TOM1: variants seen among roughly 807,000 people sequenced by gnomAD.
The protein encoded by TOM1 is target of myb1 membrane trafficking protein, also known as target of Myb protein 1.
A neutral mutation model predicts 61.3 loss-of-function variants in TOM1; 38 were observed. The observed-to-expected ratio is 0.62, with a 90% CI of 0.48 to 0.81. TOM1 has a LOEUF of 0.81. Ranked by LOEUF, TOM1 falls within the 40% of genes least tolerant of loss-of-function variation. The probability of loss-of-function intolerance (pLI) is 0.00; values close to 1 mark genes in which losing one functional copy is unlikely to be tolerated. For missense variants in TOM1, 591 were observed against 659.6 expected (o/e 0.90, Z 1.14); for synonymous variants, 270 against 268.8 (o/e 1.00, Z -0.04).
intron 12 of TOM1, 128 bp from the exon 13 acceptor site, chr22:35,345,596 TC>T (rs1930435978): frequency 1.2e-6 from 1 of 860,074 alleles, no homozygotes; most frequent in Non-Finnish European, 1.9e-6. Context: ...CAGTGGTGGG[TC>T]CGGGCAGCTA....
At chr22:35,324,141 G>T (rs1055290450) in intron 6 of TOM1, among the ~76,000 whole-genome samples, 1 of 152,236 alleles carries the variant, frequency 6.6e-6, no homozygotes, top group African/African-American at 2.4e-5. Context: ...GCTCACGTCT[G>T]TCTGACTCCT....
In TOM1 at chr22:35,339,903, CAAA is replaced by C. The variant is rs35896033; in HGVS notation, c.1224+1127_1224+1129del. 4.9e-4 allele frequency among the ~76,000 whole-genome samples: 68 copies of C among 138,506 alleles called. 1 individual carries two copies. The highest frequency in any genetic ancestry group is 1.7e-3 in the African/African-American group (61 of 35,682). The allele number at this position is 138,506 out of a possible 152,430, so 90.9% of individuals were successfully genotyped here. On this transcript the variant is annotated intron_variant, in intron 12 of 14. Transcript: ENST00000449058. ...TGGGCGACAGAGCGAGACTCCGTCT[CAAA>C]AAAAAAAAAAAGAGCGGACCCTAAA...
At chr22:35,345,113 C>G (rs1357164415) in intron 12 of TOM1, 1 of 154,360 alleles carries the variant, frequency 6.5e-6, no homozygotes, top group Non-Finnish European at 1.4e-5. Flanking sequence ...TCTTTGTGGC[C>G]GAAAGTGAAA....
chr22:35,321,689 G>A (rs1047630027), intron 2 of TOM1: 30 of 543,242 alleles, frequency 5.5e-5, no homozygotes, highest in East Asian at 1.8e-4. Context: ...ATGAGCCACC[G>A]CGCCCGGCCA....
chr22:35,334,817 C>T (rs1929155084), intron 11 of TOM1, among the ~76,000 whole-genome samples: 1 of 151,952 alleles, frequency 6.6e-6, no homozygotes, highest in South Asian at 2.1e-4. Context: ...GGTTCCAAAA[C>T]ACAGTGTCTC....
intron 6 of TOM1, 131 bp downstream of exon 6, chr22:35,324,045 T>TCACA: frequency 9.6e-6 from 11 of 1,142,716 alleles, no homozygotes; most frequent in Non-Finnish European, 1.3e-5. Flanking sequence ...AGGGTATGTG[T>TCACA]GGTTCTTCCT....
rs199548413 is a variant in TOM1, at chr22:35,321,944, T to C, written c.138-15T>C. The C allele has an allele frequency of 9.9e-6, 16 of 1,613,490 alleles. No individual in the cohort carries two copies. The East Asian group carries it at 3.1e-4, about 31-fold the overall frequency. ...GCTCTATTCCTAAGCCCACCCTTTT[T>C]CTTGTCCTCCTTAGTCCCAAAGATG... On this transcript the variant is annotated splice_polypyrimidine_tract_variant and intron_variant, in intron 2 of 14. Coordinates refer to ENST00000449058, the MANE Select transcript of TOM1 (RefSeq NM_005488.3).
At chr22:35,327,636 A>G (rs1928457835) in intron 7 of TOM1, among the ~76,000 whole-genome samples, 1 of 152,236 alleles carries the variant, frequency 6.6e-6, no homozygotes, top group African/African-American at 2.4e-5. Context: ...TGCTCTAACA[A>G]TAGCCTTCAT....
In TOM1 at chr22:35,333,477, C is replaced by T; in HGVS notation, c.1007C>T (p.Ser336Leu). The T allele has an allele frequency of 1.2e-6, 2 of 1,614,220 alleles. No homozygotes were observed. The highest frequency in any genetic ancestry group is 1.3e-5 in the African/African-American group (1 of 75,082). The change falls in exon 10 of 15, where the codon TCA (serine) becomes TTA (leucine). Residue 336 changes from serine (S) to leucine (L), a missense_variant. Physicochemically the swap from Ser to Leu is moderately radical, Grantham distance 145. Transcript: ENST00000449058. ...GPDPAATGNL[S>L]SQLAGMNLGS... Reference sequence around the variant, plus strand: ...GACCCAGCAGCCACCGGCAACCTCTCATCCCAGCTGGCAGGAATGAGTAAG... The same window carrying T: ...GACCCAGCAGCCACCGGCAACCTCTTATCCCAGCTGGCAGGAATGAGTAAG...
At chr22:35,309,949 G>C (rs138773) in intron 1 of TOM1, among the ~76,000 whole-genome samples, 75,923 of 152,046 alleles carry the variant, frequency 0.5, 22,488 homozygotes, top group Non-Finnish European at 0.65. Flanking sequence ...CTGCAAGGGG[G>C]TCTAGAAAAG....
rs769411764 is a variant in TOM1 at position 35,323,218 on chromosome 22, G to A, written c.366+41G>A. On this transcript the variant is annotated intron_variant, in intron 4 of 14. Transcript: ENST00000449058. This position sits in a 1 kb window ranked among gnomAD's most constrained non-coding sequence, Gnocchi z 4.2. ...GGGCAGGGCACGGCCAGGAAGAGCT[G>A]TCAGTGCAGGAGCTTCCTGCCCAGT... The A allele has an allele frequency of 6.2e-6, 10 of 1,606,328 alleles. No homozygotes were observed. The highest frequency in any genetic ancestry group is 1.1e-5 in the South Asian group (1 of 90,908).
intron 12 of TOM1, among the ~76,000 whole-genome samples, chr22:35,339,785 T>TC (rs1173653748): frequency 6.6e-6 from 1 of 151,382 alleles, no homozygotes; most frequent in South Asian, 2.1e-4. Context: ...GCGCCTGTAG[T>TC]CCCAGCTACT....
In TOM1 at chr22:35,338,786, G is replaced by A. The variant is rs149877665; in HGVS notation, c.1222G>A (p.Ala408Thr). ...GGACGCCCGGCAGCAGAGCACTGGC[G>A]CGGTAAGCAGAGGGGCCATCCTGCC... ...ALDARQQSTG[A>T]IPVTQACLME... Residue 408 changes from alanine to threonine, a missense_variant and splice_region_variant, in exon 12 of 15, where the codon GCG becomes ACG. Ala to Thr is a moderately conservative substitution (Grantham distance 58). Coordinates refer to ENST00000449058, the MANE Select transcript of TOM1 (RefSeq NM_005488.3). The A allele has an allele frequency of 1.4e-4, 217 of 1,588,396 alleles. No individual in the cohort carries two copies. The highest frequency in any genetic ancestry group is 5.0e-4 in the Middle Eastern group (3 of 6,004).
intron 11 of TOM1, among the ~76,000 whole-genome samples, chr22:35,338,086 C>G (rs1163608464): frequency 6.6e-6 from 1 of 152,170 alleles, no homozygotes; most frequent in Non-Finnish European, 1.5e-5. Context: ...CAGCCTCTGC[C>G]GCTCCCAGCC....
At chr22:35,331,272 C>CT (rs547060393) in intron 8 of TOM1, 36,977 of 353,478 alleles carry the variant, frequency 0.1, no homozygotes, top group South Asian at 0.16. Flanking sequence ...ATTTTCTTTT[C>CT]TTTTTTTTTT....
intron 11 of TOM1, among the ~76,000 whole-genome samples, chr22:35,335,043 A>G (rs1033706888): frequency 6.6e-6 from 1 of 152,104 alleles, no homozygotes; most frequent in Non-Finnish European, 1.5e-5. Context: ...TTCAGGGGGT[A>G]CTTTCAGCAG....
Position 35,303,032 on chromosome 22 carries a change from A to T in TOM1, c.52+3052A>T, listed in dbSNP as rs560912011. The stretch of plus-strand genomic sequence containing the variant: ...TTGTTGATAGTAGAGCTGTAGAGCC[A>T]TATGGAATTGACATCCCTCAGATGG... On this transcript the variant is annotated intron_variant, in intron 1 of 14. Coordinates refer to ENST00000449058, the MANE Select transcript of TOM1 (RefSeq NM_005488.3). 1.7e-4 allele frequency among the ~76,000 whole-genome samples: 26 copies of T among 152,238 alleles called. No homozygotes were observed. In the South Asian group the frequency reaches 4.6e-3, roughly 27 times the overall value.
At chr22:35,310,691 T>A (rs914378346) in intron 1 of TOM1, among the ~76,000 whole-genome samples, 1 of 152,252 alleles carries the variant, frequency 6.6e-6, no homozygotes, top group South Asian at 2.1e-4. Flanking sequence ...TGCTGGTGAA[T>A]ACAGCCTCAT....
Position 35,327,911 on chromosome 22 carries a change from GC to G in TOM1, c.765+527del, listed in dbSNP as rs1210068524. Among the ~76,000 whole-genome samples the G allele has an allele frequency of 3.3e-5, 5 of 152,282 alleles. No homozygotes were observed. The East Asian group carries it at 9.6e-4, about 29-fold the overall frequency. On this transcript the variant is annotated intron_variant, in intron 7 of 14. Coordinates refer to ENST00000449058, the MANE Select transcript of TOM1 (RefSeq NM_005488.3). ...GTCACATGGTATTCCCACGGCCCCA[GC>G]CCAGATTGGGGGTCACTGGAGCAGA...
Sources: allele counts gnomAD v4.1 joint callset (sites outside exome capture counted in the v4.1 genomes callset), GRCh38; gene constraint gnomAD v4.1.1; non-coding constraint Gnocchi (gnomAD v3.1); transcripts MANE v1.5; gene names NCBI Gene and HGNC (gene_info 2026-07-23, HGNC 2026-07-21).